The following RPGRIP1 variants were observed in gnomAD, a reference collection of about 807,000 sequenced individuals.
The protein encoded by RPGRIP1 is RPGR interacting protein 1.
A neutral mutation model predicts 157.9 loss-of-function variants in RPGRIP1; 128 were observed. The ratio of observed to expected loss-of-function variants is 0.81; its 90% confidence interval spans 0.70 to 0.94. RPGRIP1 has a LOEUF of 0.94. RPGRIP1 is among the 40% of genes least tolerant of loss of function. The pLI, the probability that RPGRIP1 is intolerant of heterozygous loss-of-function variation, is 0.00. For synonymous variants in RPGRIP1, 554 were observed against 571.6 expected, an observed-to-expected ratio of 0.97 and a Z score of 0.44; for missense variants, 1,486 against 1,545.8, an observed-to-expected ratio of 0.96 and a Z score of 0.65.
At chr14:21,312,744 A>G (rs1297898479) in intron 10 of RPGRIP1, among the ~76,000 whole-genome samples, 1 of 150,922 alleles carries the variant, frequency 6.6e-6, no homozygotes, top group Non-Finnish European at 1.5e-5. Flanking sequence ...GCTGGAGTGC[A>G]GTGGTGCGAT....
At chr14:21,327,594 G>A in intron 17 of RPGRIP1, 29 bp from the exon 18 acceptor site, 1 of 1,598,444 alleles carries the variant, frequency 6.3e-7, no homozygotes. Context: ...CATGTGATCA[G>A]GTCTTATTAA....
intron 6 of RPGRIP1, among the ~76,000 whole-genome samples, chr14:21,303,997 A>AAG (rs1555365517): frequency 4.1e-5 from 6 of 145,666 alleles, no homozygotes; most frequent in African/African-American, 1.3e-4. Flanking sequence ...TCAAAAAAAA[A>AAG]AAAAGAAAAG....
chr14:21,328,307 T>A, intron 18 of RPGRIP1, 117 bp from the exon 19 acceptor site: 1 of 726,256 alleles, frequency 1.4e-6, no homozygotes, highest in Non-Finnish European at 2.3e-6. Flanking sequence ...AGAAATAGCA[T>A]TTCTCAGCTC....
At chr14:21,298,217 G>T (rs1429051409) in intron 3 of RPGRIP1, among the ~76,000 whole-genome samples, 1 of 152,086 alleles carries the variant, frequency 6.6e-6, no homozygotes, top group Non-Finnish European at 1.5e-5. Flanking sequence ...AAAGAATAGT[G>T]GCTGGGCACG....
intron 1 of RPGRIP1, among the ~76,000 whole-genome samples, chr14:21,281,927 T>C (rs561094986): frequency 1.4e-3 from 220 of 151,978 alleles, no homozygotes; most frequent in African/African-American, 4.6e-3. Context: ...ATCTTGTCTC[T>C]ACTAAAAAAT....
rs1882803314 is a variant in RPGRIP1 at position 21,324,242 on chromosome 14, T to C, written c.1763-376T>C. 16 of 325,082 alleles carry C rather than the reference T, an allele frequency of 4.9e-5. 1 individual carries two copies. Among genetic ancestry groups the C allele is most frequent in the South Asian group, 4.4e-4 (16 of 35,974 alleles). The allele number at this position is 325,082 out of a possible 1,614,324, so 20.1% of individuals were successfully genotyped here. ...CTCCACGGCCAATATACCAAACTTG[T>C]AGAAATATTCATGTTTTTGTGTTTC... is the stretch of plus-strand genomic sequence containing the variant. On this transcript the variant is annotated intron_variant, in intron 14 of 24. Transcript: ENST00000400017.
At chr14:21,345,319 A>G in intron 23 of RPGRIP1, 122 bp downstream of exon 23, 1 of 651,604 alleles carries the variant, frequency 1.5e-6, no homozygotes. Context: ...TTTACTCTTA[A>G]TGAATTTCCT....
At chr14:21,294,328 T>C (rs1040797536) in intron 2 of RPGRIP1, among the ~76,000 whole-genome samples, 3 of 151,190 alleles carry the variant, frequency 2.0e-5, no homozygotes, top group Non-Finnish European at 4.4e-5. Flanking sequence ...CCTCCCAGGC[T>C]CAAGCAATTC....
At position 21,310,633 on chromosome 14, in the gene RPGRIP1, T is replaced by C. The variant is rs1957414; in HGVS notation, c.930+26T>C. ...GTACTTAATGAGAATTGAGTCTCTG[T>C]TTCTTAGTAACCAGAATAATCAAAC... is the stretch of plus-strand genomic sequence containing the variant. On this transcript the variant is annotated intron_variant, in intron 8 of 24. Coordinates refer to ENST00000400017, the MANE Select transcript of RPGRIP1 (RefSeq NM_020366.4). 383,435 of 1,378,192 alleles carry C rather than the reference T, an allele frequency of 0.28. 57,414 individuals carry two copies. Among genetic ancestry groups the C allele is most frequent in the East Asian group, 0.57 (23,618 of 41,678 alleles). 85.4% of individuals were successfully genotyped at this position (1,378,192 alleles called of 1,614,324 possible).
chr14:21,347,260 G>A (rs1885659875), intron 23 of RPGRIP1, among the ~76,000 whole-genome samples: 1 of 152,148 alleles, frequency 6.6e-6, no homozygotes, highest in Non-Finnish European at 1.5e-5. Context: ...CTAGCTCTTT[G>A]ATCTTTTTGA....
At position 21,334,715 on chromosome 14, in the gene RPGRIP1, C is replaced by G; in HGVS notation, c.3339+10C>G. On this transcript the variant is annotated intron_variant, in intron 21 of 24. Coordinates refer to ENST00000400017, the MANE Select transcript of RPGRIP1 (RefSeq NM_020366.4). ...GAAATATCCTAAGGCAGTAAGTACA[C>G]TGGAGTAATCATTGCATACGAGATA... is the stretch of plus-strand genomic sequence containing the variant. 6.7e-7 allele frequency: 1 copy of G among 1,503,424 alleles called. No individual in the cohort carries two copies. Among genetic ancestry groups the G allele is most frequent in the South Asian group, 1.2e-5 (1 of 85,988 alleles). 93.1% of individuals were successfully genotyped at this position (1,503,424 alleles called of 1,614,324 possible).
intron 1 of RPGRIP1, 100 bp from the exon 2 acceptor site, chr14:21,287,839 A>G: frequency 6.5e-6 from 4 of 619,322 alleles, no homozygotes; most frequent in East Asian, 2.7e-5. Context: ...GTCATATACC[A>G]TCATGAAAGT....
chr14:21,321,959 A>G lies in RPGRIP1; in HGVS notation c.1717A>G (p.Lys573Glu). The part of the protein sequence containing the change: ...RLLDLKNNRI[K>E]QLEGILRSHD... ...ACTAGACCTCAAGAATAACCGTATC[A>G]AGCAGCTGGAAGGTATTTTAAGAAG... Residue 573 changes from lysine to glutamate, a missense_variant, in exon 14 of 25, where the codon AAG (lysine) becomes GAG (glutamate). Lys to Glu is a moderately conservative substitution (Grantham distance 56). Coordinates refer to ENST00000400017, the MANE Select transcript of RPGRIP1 (RefSeq NM_020366.4). The G allele has an allele frequency of 6.2e-7, 1 of 1,613,850 alleles. No individual in the cohort carries two copies. The highest frequency in any genetic ancestry group is 8.5e-7 in the Non-Finnish European group (1 of 1,179,838).
At chr14:21,324,345 A>G in intron 14 of RPGRIP1, 1 of 512,904 alleles carries the variant, frequency 1.9e-6, no homozygotes, top group South Asian at 2.1e-5. Flanking sequence ...ATAAGATAAA[A>G]TGTGCCCCCA....
intron 7 of RPGRIP1, among the ~76,000 whole-genome samples, chr14:21,309,743 G>T (rs1459098909): frequency 2.0e-5 from 3 of 151,902 alleles, no homozygotes; most frequent in African/African-American, 7.3e-5. Context: ...ACAGCAGAGA[G>T]CTATGTGAAA....
chr14:21,318,639 C>A (rs539527970), intron 11 of RPGRIP1, among the ~76,000 whole-genome samples: 7 of 151,930 alleles, frequency 4.6e-5, no homozygotes, highest in Admixed American at 1.3e-4. Context: ...CCACACCCAA[C>A]TAATTTTTTG....
intron 6 of RPGRIP1, 89 bp from the exon 7 acceptor site, chr14:21,307,642 G>A: frequency 2.6e-6 from 2 of 781,406 alleles, no homozygotes; most frequent in East Asian, 2.7e-5. Flanking sequence ...AGACAAGAGG[G>A]AGGTATTCTT....
At chr14:21,347,198 GC>G (rs2139361021) in intron 23 of RPGRIP1, among the ~76,000 whole-genome samples, 1 of 152,344 alleles carries the variant, frequency 6.6e-6, no homozygotes. Context: ...AGCAGACAGA[GC>G]AGGCTTTGTA....
chr14:21,307,557 A>G (rs981119683), intron 6 of RPGRIP1, among the ~76,000 whole-genome samples, 174 bp from the exon 7 acceptor site: 6 of 152,210 alleles, frequency 3.9e-5, no homozygotes, highest in Non-Finnish European at 8.8e-5. Context: ...GAGAAATGGG[A>G]GAAAGGAGAT....
Sources: allele counts gnomAD v4.1 joint callset (sites outside exome capture counted in the v4.1 genomes callset), GRCh38; gene constraint gnomAD v4.1.1; transcripts MANE v1.5; gene names NCBI Gene and HGNC (gene_info 2026-07-23, HGNC 2026-07-21).